LZTR1: variants seen among roughly 807,000 people sequenced by gnomAD.
The protein encoded by LZTR1 is leucine zipper like post translational regulator 1.
A neutral mutation model predicts 105.7 loss-of-function variants in LZTR1; 260 were observed. The observed-to-expected ratio is 2.46, with a 90% CI of 2.22 to 2.72. LZTR1 has a LOEUF of 2.72. LZTR1 is among the 30% of genes most tolerant of loss of function. LZTR1 has a pLI of 0.00. For synonymous variants in LZTR1, 490 were observed against 476.4 expected, an observed-to-expected ratio of 1.03 and a Z score of -0.37; for missense variants, 1,214 against 1,166.9, an observed-to-expected ratio of 1.04 and a Z score of -0.59.
Position 20,994,120 on chromosome 22 carries a change from C to G in LZTR1, c.1466C>G (p.Ala489Gly), listed in dbSNP as rs1327762745. 2 of 1,580,834 alleles carry G rather than the reference C, an allele frequency of 1.3e-6. No individual in the cohort carries two copies. Among genetic ancestry groups the G allele is most frequent in the Non-Finnish European group, 1.7e-6 (2 of 1,161,726 alleles). Residue 489 changes from alanine (A) to glycine (G), a missense_variant, in exon 14 of 21, where the codon GCC becomes GGC. Physicochemically the swap from Ala to Gly is moderately conservative, Grantham distance 60 (BLOSUM62 0). Transcript: ENST00000646124. ...TCCCCACAGAAGCTGGAGCAGGAGG[C>G]CGCCCCAGTTCCCAGGGAGGCCCCC... ...ERLAQKLEQEAAPVPREAPGV... is the reference protein window; with the variant it reads ...ERLAQKLEQEGAPVPREAPGV...
chr22:20,984,407 G>A (rs1924300164), intron 2 of LZTR1, among the ~76,000 whole-genome samples: 2 of 152,228 alleles, frequency 1.3e-5, no homozygotes, highest in South Asian at 2.1e-4. Flanking sequence ...GTACAAGGCA[G>A]CAAGTGGGAA....
In LZTR1 at chr22:20,987,567, C is replaced by T. The variant is rs756817158; in HGVS notation, c.384C>T (p.Ser128=). The part of the protein sequence containing the change: ...RYHHSAVVYG[S]SMFVFGGYTG... ...ACCACTCGGCCGTCGTCTATGGGAG[C>T]AGCATGTTTGTCTTTGGTAAGCAGC... Residue 128 remains serine, a synonymous_variant, in exon 4 of 21, where the codon AGC becomes AGT. Coordinates refer to ENST00000646124, the MANE Select transcript of LZTR1 (RefSeq NM_006767.4). 3 of 1,614,132 alleles carry T rather than the reference C, an allele frequency of 1.9e-6. No individual in the cohort carries two copies. The highest frequency in any genetic ancestry group is 2.5e-6 in the Non-Finnish European group (3 of 1,180,018).
chr22:20,992,629 C>T, intron 10 of LZTR1, 165 bp from the exon 11 acceptor site: 1 of 628,580 alleles, frequency 1.6e-6, no homozygotes, highest in Non-Finnish European at 2.8e-6. Context: ...ACATGGGTAC[C>T]AGGTCCCACC....
chr22:20,993,660 A>G lies in LZTR1; in HGVS notation c.1261-2A>G, dbSNP rs759240190. 19 of 1,612,530 alleles carry G rather than the reference A, an allele frequency of 1.2e-5. No homozygotes were observed. The highest frequency in any genetic ancestry group is 1.7e-6 in the Non-Finnish European group (2 of 1,179,352). ...TCTAGTCTCACTGGGCCCCTCTTGCAGTTCTCCTGTTACCCTAAATGCACG... is the reference window on the plus strand; with the variant it reads ...TCTAGTCTCACTGGGCCCCTCTTGCGGTTCTCCTGTTACCCTAAATGCACG... On this transcript the variant is annotated splice_acceptor_variant, in intron 11 of 20. Transcript: ENST00000646124. LOFTEE classifies it high-confidence loss of function.
intron 7 of LZTR1, among the ~76,000 whole-genome samples, chr22:20,990,000 C>T (rs548761878): frequency 6.6e-6 from 1 of 152,180 alleles, no homozygotes; most frequent in Admixed American, 6.5e-5. Flanking sequence ...TGCTTTAACG[C>T]ACCCTTTATT....
intron 2 of LZTR1, among the ~76,000 whole-genome samples, chr22:20,985,503 A>G (rs980413842): frequency 6.6e-6 from 1 of 152,168 alleles, no homozygotes. Flanking sequence ...GGGGTTCTGG[A>G]GGCTAGGGTG....
intron 2 of LZTR1, among the ~76,000 whole-genome samples, chr22:20,983,695 C>G (rs1279892560): frequency 6.6e-6 from 1 of 152,212 alleles, no homozygotes; most frequent in Non-Finnish European, 1.5e-5. Flanking sequence ...CTTACTGGCT[C>G]TGCAGCCTTG....
In LZTR1 at chr22:20,993,840, G is replaced by T. The variant is rs1924697456; in HGVS notation, c.1354-84G>T. Reference sequence around the variant, plus strand: ...CCTCAGAAAAACAGCTGCTGGCCTGGTGGTGCTGACCTTGGCTGGCTGGGT... The same window carrying T: ...CCTCAGAAAAACAGCTGCTGGCCTGTTGGTGCTGACCTTGGCTGGCTGGGT... On this transcript the variant is annotated intron_variant, in intron 12 of 20. Transcript: ENST00000646124. 2.6e-6 allele frequency: 4 copies of T among 1,567,418 alleles called. No homozygotes were observed. In the South Asian group the frequency reaches 4.5e-5, roughly 18 times the overall value.
intron 11 of LZTR1, among the ~76,000 whole-genome samples, 197 bp downstream of exon 11, chr22:20,993,101 G>A (rs1236038942): frequency 6.6e-6 from 1 of 152,238 alleles, no homozygotes; most frequent in Admixed American, 6.5e-5. Context: ...CGTGCAGTGG[G>A]GCAGGCAGAT....
intron 11 of LZTR1, 63 bp downstream of exon 11, chr22:20,992,967 A>G: frequency 8.5e-7 from 1 of 1,170,936 alleles, no homozygotes; most frequent in Non-Finnish European, 1.2e-6. Flanking sequence ...TGAGAAACTG[A>G]GGCCAAGTTG....
Position 20,987,587 on chromosome 22 carries a change from A to T in LZTR1, c.400+4A>T. Reference sequence around the variant, plus strand: ...GGGAGCAGCATGTTTGTCTTTGGTAAGCAGCCTCTTGCCTCCCAGGGGCTG... The same window carrying T: ...GGGAGCAGCATGTTTGTCTTTGGTATGCAGCCTCTTGCCTCCCAGGGGCTG... On this transcript the variant is annotated splice_donor_region_variant and intron_variant, in intron 4 of 20. Transcript: ENST00000646124. 6.2e-7 allele frequency: 1 copy of T among 1,613,946 alleles called. No individual in the cohort carries two copies. Among genetic ancestry groups the T allele is most frequent in the Non-Finnish European group, 8.5e-7 (1 of 1,179,856 alleles).
intron 4 of LZTR1, 135 bp downstream of exon 4, chr22:20,987,718 C>A: frequency 1.2e-6 from 1 of 825,014 alleles, no homozygotes; most frequent in Non-Finnish European, 2.0e-6. Flanking sequence ...CTTTGTCTGC[C>A]AGTCTTCGGA....
At chr22:20,997,004 C>T (rs1347037671) in intron 20 of LZTR1, 38 bp downstream of exon 20, 6 of 1,602,874 alleles carry the variant, frequency 3.7e-6, no homozygotes, top group Non-Finnish European at 5.1e-6. Context: ...CTCGCTTCCC[C>T]TTGGCAGTGG....
Position 20,987,287 on chromosome 22 carries a change from A to G in LZTR1, c.321-217A>G, listed in dbSNP as rs1601716713. The stretch of plus-strand genomic sequence containing the variant: ...TGGGTGCCTGTAATCCCAGCTACTC[A>G]GGAGGCTGAGGCAGGACAATCGCTT... On this transcript the variant is annotated intron_variant, in intron 3 of 20. Coordinates refer to ENST00000646124, the MANE Select transcript of LZTR1 (RefSeq NM_006767.4). 12 of 497,332 alleles carry G rather than the reference A, an allele frequency of 2.4e-5. No homozygotes were observed. In the East Asian group the frequency reaches 3.9e-4, roughly 16 times the overall value. The allele number at this position is 497,332 out of a possible 1,614,324, so 30.8% of individuals were successfully genotyped here.
Position 20,987,578 on chromosome 22 carries a change from T to A in LZTR1, c.395T>A (p.Val132Asp). The change falls in exon 4 of 21, where the codon GTC (valine) becomes GAC (aspartate). Residue 132 changes from valine to aspartate, a missense_variant. By Grantham distance (152) the Val-to-Asp change is radical (BLOSUM62 -3). Transcript: ENST00000646124. ...SAVVYGSSMF[V>D]FGGYTGDIYS... The stretch of plus-strand genomic sequence containing the variant: ...GTCGTCTATGGGAGCAGCATGTTTG[T>A]CTTTGGTAAGCAGCCTCTTGCCTCC... 6.2e-7 allele frequency: 1 copy of A among 1,614,060 alleles called. No individual in the cohort carries two copies.
chr22:20,990,240 T>A, intron 7 of LZTR1, 146 bp from the exon 8 acceptor site: 2 of 909,846 alleles, frequency 2.2e-6, no homozygotes, highest in Non-Finnish European at 1.7e-6. Flanking sequence ...GACAGGGCTA[T>A]GAGCTGTTCC....
chr22:20,995,359 A>G (rs1386170350), intron 16 of LZTR1: 1 of 614,596 alleles, frequency 1.6e-6, no homozygotes, highest in Non-Finnish European at 3.1e-6. Context: ...TTTGCTTGTA[A>G]TGTCACAGGC....
At chr22:20,990,259 G>T (rs959224955) in intron 7 of LZTR1, 127 bp from the exon 8 acceptor site, 16 of 1,085,882 alleles carry the variant, frequency 1.5e-5, no homozygotes, top group Non-Finnish European at 2.1e-5. Flanking sequence ...CCAAGACAAA[G>T]GAATCTGTGA....
At chr22:20,997,145 G>C (rs750040589) in intron 20 of LZTR1, 87 bp from the exon 21 acceptor site, 2 of 1,143,060 alleles carry the variant, frequency 1.7e-6, no homozygotes, top group South Asian at 2.5e-5. Flanking sequence ...TGAGCCCTGA[G>C]CAGGGTAGGC....
Sources: allele counts gnomAD v4.1 joint callset (sites outside exome capture counted in the v4.1 genomes callset), GRCh38; gene constraint gnomAD v4.1.1; transcripts MANE v1.5; gene names NCBI Gene and HGNC (gene_info 2026-07-23, HGNC 2026-07-21).